NDST4: variants seen among roughly 807,000 people sequenced by gnomAD.
NDST4 encodes the protein N-heparan sulfate sulfotransferase 4.
A neutral mutation model predicts 100.8 loss-of-function variants in NDST4; 63 were observed. The ratio of observed to expected loss-of-function variants is 0.62; its 90% CI spans 0.51 to 0.77. The LOEUF (loss-of-function observed/expected upper bound fraction) is 0.77. NDST4 is among the 30% of genes least tolerant of loss of function. The pLI, the probability that NDST4 is intolerant of heterozygous loss-of-function variation, is 0.00. For missense variants in NDST4, 943 were observed against 1,018.4 expected (o/e 0.93, Z 1.01); for synonymous variants, 377 against 361.8 (o/e 1.04, Z -0.48).
intron 6 of NDST4, among the ~76,000 whole-genome samples, chr4:114,885,808 GAATAAATTTTATACACATTTC>G (rs1216039918): frequency 2.6e-5 from 4 of 151,852 alleles, no homozygotes; most frequent in African/African-American, 7.3e-5. Flanking sequence ...TCTGGATCTG[GAATAAATTTTATACACATTTC>G]AATAAATTTT....
At chr4:114,862,906 C>T (rs942319746) in intron 7 of NDST4, among the ~76,000 whole-genome samples, 1 of 152,048 alleles carries the variant, frequency 6.6e-6, no homozygotes, top group Non-Finnish European at 1.5e-5. Flanking sequence ...GTATTCCTAT[C>T]GGTATGTTCC....
chr4:114,969,321 GA>G (rs70964334), intron 4 of NDST4, among the ~76,000 whole-genome samples: 5,005 of 90,722 alleles, frequency 0.055, 72 homozygotes, highest in Middle Eastern at 0.11. Flanking sequence ...CTCAAAAAAA[GA>G]AAAAAAAAAA....
rs370620160 is a variant in NDST4, at chr4:115,076,543, T to C, written c.494A>G (p.His165Arg). The C allele has an allele frequency of 1.4e-5, 23 of 1,613,916 alleles. No individual in the cohort carries two copies. The highest frequency in any genetic ancestry group is 1.9e-5 in the Non-Finnish European group (23 of 1,179,970). Residue 165 changes from histidine (H) to arginine (R), a missense_variant, in exon 2 of 14, where the codon CAT becomes CGT. This residue lies in a region of NDST4 where 417 missense variants were observed against 384.2 expected (regional missense o/e 1.09). Coordinates refer to ENST00000264363, the MANE Select transcript of NDST4 (RefSeq NM_022569.3). The part of the protein sequence containing the change: ...VEYSVSIIGF[H>R]KANENSLPST... ...TGGTAAGCTGTTCTCATTGGCTTTATGAAAACCGATTATACTAACACTGTA... is the reference window on the plus strand; with the variant it reads ...TGGTAAGCTGTTCTCATTGGCTTTACGAAAACCGATTATACTAACACTGTA...
intron 6 of NDST4, among the ~76,000 whole-genome samples, chr4:114,888,915 A>G (rs1314113228): frequency 1.3e-5 from 2 of 152,132 alleles, no homozygotes; most frequent in Non-Finnish European, 2.9e-5. Flanking sequence ...TTTGGGAATC[A>G]GAACACTAAT....
chr4:114,910,098 T>C (rs1329735682), intron 6 of NDST4, among the ~76,000 whole-genome samples: 1 of 152,190 alleles, frequency 6.6e-6, no homozygotes, highest in Non-Finnish European at 1.5e-5. Context: ...GGAAAAAAGA[T>C]ACTATGAGAC....
At position 115,071,082 on chromosome 4, in the gene NDST4, G is replaced by A. The variant is rs183357897; in HGVS notation, c.978+4977C>T. On this transcript the variant is annotated intron_variant, in intron 2 of 13. Coordinates refer to ENST00000264363, the MANE Select transcript of NDST4 (RefSeq NM_022569.3). ...TTTGTGCCACTATACTCCAGCCTGG[G>A]CAATAAATAGAGCAAGACTCCATTT... Among the ~76,000 whole-genome samples, 9 of 151,494 alleles carry A rather than the reference G, an allele frequency of 5.9e-5. No homozygotes were observed. In the East Asian group the frequency reaches 1.7e-3, roughly 29 times the overall value.
intron 1 of NDST4, among the ~76,000 whole-genome samples, chr4:115,080,743 G>A (rs536677134): frequency 2.2e-4 from 34 of 151,838 alleles, no homozygotes; most frequent in African/African-American, 6.0e-4. Flanking sequence ...GGAACTTGTC[G>A]AAGGAGATTA....
intron 2 of NDST4, among the ~76,000 whole-genome samples, chr4:115,026,708 G>A (rs993902407): frequency 6.8e-6 from 1 of 147,626 alleles, no homozygotes; most frequent in African/African-American, 2.5e-5. Flanking sequence ...GGGCTGGGGG[G>A]AATTGACTGA....
intron 4 of NDST4, among the ~76,000 whole-genome samples, chr4:114,965,679 A>G (rs944973234): frequency 6.6e-6 from 1 of 152,048 alleles, no homozygotes; most frequent in Non-Finnish European, 1.5e-5. Context: ...CATGTCTGCA[A>G]CTATTAGTGA....
At chr4:114,870,353 G>A (rs1336399863) in intron 7 of NDST4, among the ~76,000 whole-genome samples, 1 of 152,048 alleles carries the variant, frequency 6.6e-6, no homozygotes, top group Admixed American at 6.6e-5. Flanking sequence ...ACACAATGTT[G>A]CACATATACA....
intron 7 of NDST4, among the ~76,000 whole-genome samples, chr4:114,864,030 A>G (rs1331842814): frequency 1.3e-5 from 2 of 152,188 alleles, no homozygotes; most frequent in Non-Finnish European, 2.9e-5. Flanking sequence ...GCATTAAAAT[A>G]ACTTTTGTTC....
At chr4:114,935,529 A>G (rs528497669) in intron 5 of NDST4, among the ~76,000 whole-genome samples, 195 bp from the exon 6 acceptor site, 2 of 145,486 alleles carry the variant, frequency 1.4e-5, no homozygotes, top group South Asian at 4.2e-4. Flanking sequence ...TATCAAAGGC[A>G]TAAAAAATAT....
At chr4:115,042,926 C>A (rs1043413972) in intron 2 of NDST4, among the ~76,000 whole-genome samples, 1 of 151,874 alleles carries the variant, frequency 6.6e-6, no homozygotes, top group Non-Finnish European at 1.5e-5. Context: ...GGTCTCCAAG[C>A]TTAACAATAC....
chr4:114,849,418 A>G (rs970295611), intron 8 of NDST4, among the ~76,000 whole-genome samples: 3 of 152,262 alleles, frequency 2.0e-5, no homozygotes, highest in African/African-American at 7.2e-5. Context: ...CAGAACAACT[A>G]TCATTGCAAA....
At chr4:115,010,452 C>G (rs369319870) in intron 2 of NDST4, among the ~76,000 whole-genome samples, 1 of 127,714 alleles carries the variant, frequency 7.8e-6, no homozygotes, top group Non-Finnish European at 1.7e-5. Flanking sequence ...AAACAAACAC[C>G]GCATATTCTT....
At chr4:114,969,334 A>G (rs1726456736) in intron 4 of NDST4, among the ~76,000 whole-genome samples, 1 of 151,532 alleles carries the variant, frequency 6.6e-6, no homozygotes, top group African/African-American at 2.4e-5. Flanking sequence ...AAAAAAAAAA[A>G]AAAAAAAAAA....
chr4:114,921,463 AT>A (rs1725284254), intron 6 of NDST4, among the ~76,000 whole-genome samples: 1 of 152,226 alleles, frequency 6.6e-6, no homozygotes, highest in Non-Finnish European at 1.5e-5. Flanking sequence ...CAAGCTGTAA[AT>A]AAACCCAGCA....
intron 2 of NDST4, among the ~76,000 whole-genome samples, chr4:115,040,626 G>A (rs1160641177): frequency 6.6e-6 from 1 of 151,862 alleles, no homozygotes; most frequent in African/African-American, 2.4e-5. Context: ...AAAACAATGA[G>A]CATCCCTACA....
intron 6 of NDST4, among the ~76,000 whole-genome samples, chr4:114,897,387 T>C (rs1020748613): frequency 4.6e-5 from 7 of 152,216 alleles, no homozygotes; most frequent in African/African-American, 1.7e-4. Flanking sequence ...GTTTCTTCCA[T>C]GTCTTTTCAT....
Sources: allele counts gnomAD v4.1 joint callset (sites outside exome capture counted in the v4.1 genomes callset), GRCh38; gene constraint gnomAD v4.1.1; regional missense constraint gnomAD v4.1.1; transcripts MANE v1.5; gene names NCBI Gene and HGNC (gene_info 2026-07-23, HGNC 2026-07-21).